Variants in NPAS1 observed in about 807,000 individuals in gnomAD.
The protein encoded by NPAS1 is neuronal PAS domain-containing protein 1.
NPAS1 carries 29 observed loss-of-function variants against 49.2 expected under a neutral mutation model. That is an observed-to-expected ratio of 0.59 (90% CI 0.44 to 0.80). NPAS1 has a LOEUF of 0.80. Among genes scored for constraint, NPAS1 ranks in the 30% least tolerant of loss-of-function variants. The pLI, the probability that NPAS1 is intolerant of heterozygous loss-of-function variation, is 0.00. For synonymous variants in NPAS1, 408 were observed against 380.4 expected, an observed-to-expected ratio of 1.07 and a Z score of -0.84; for missense variants, 825 against 835.5, an observed-to-expected ratio of 0.99 and a Z score of 0.15.
rs776480758 is a variant in NPAS1, at chr19:47,021,139, G to C, written c.92G>C (p.Gly31Ala). The change falls in exon 2 of 12, where the codon GGG (glycine) becomes GCG (alanine). Residue 31 changes from glycine (G) to alanine (A), a missense_variant. Gly to Ala is a moderately conservative substitution (Grantham distance 60). Transcript: ENST00000602212. This position sits in a 1 kb window ranked among gnomAD's most constrained non-coding sequence, Gnocchi z 5.7. ...GASVPWDFLP[G>A]LMVKAPSGPC... ...AGCGTCCCCTGGGACTTTCTACCCG[G>C]GCTGATGGTCAAGGCGCCGTCCGGA... The C allele has an allele frequency of 3.1e-6, 5 of 1,598,704 alleles. No individual in the cohort carries two copies. The South Asian group carries it at 4.5e-5, about 14-fold the overall frequency.
rs778647630 is a variant in NPAS1, at chr19:47,037,299, C to T, written c.688+1170C>T. On this transcript the variant is annotated intron_variant, in intron 6 of 11. Transcript: ENST00000602212. ...CTGGGAGGTGGAGGTTGCACTGAGC[C>T]GAGATCAGGCCATTGCACTCTGAGT... is the stretch of plus-strand genomic sequence containing the variant. Among the ~76,000 whole-genome samples the T allele has an allele frequency of 7.2e-5, 9 of 124,358 alleles. No homozygotes were observed. In the East Asian group the frequency reaches 1.4e-3, roughly 19 times the overall value. 81.6% of individuals were successfully genotyped at this position (124,358 alleles called of 152,430 possible).
chr19:47,039,956 G>C (rs1036375618), intron 8 of NPAS1, among the ~76,000 whole-genome samples: 3 of 152,290 alleles, frequency 2.0e-5, no homozygotes, highest in African/African-American at 7.2e-5. Context: ...TGTCCAGGGT[G>C]CCTAGGGCCT....
chr19:47,040,610 T>C (rs1568509749), intron 9 of NPAS1, 60 bp downstream of exon 9: 1 of 1,168,842 alleles, frequency 8.6e-7, no homozygotes, highest in East Asian at 2.6e-5. Flanking sequence ...AGCATCCCAC[T>C]CCCTGGTCCC....
At chr19:47,028,429 C>T (rs1311654986) in intron 3 of NPAS1, among the ~76,000 whole-genome samples, 2 of 152,058 alleles carry the variant, frequency 1.3e-5, no homozygotes, top group Non-Finnish European at 1.5e-5. Context: ...GCGGGGGCTG[C>T]GCGCCCATGG....
intron 11 of NPAS1, among the ~76,000 whole-genome samples, chr19:47,044,492 C>CA (rs2057054463): frequency 6.6e-6 from 1 of 152,258 alleles, no homozygotes; most frequent in South Asian, 2.1e-4. Context: ...GGATGTAGAA[C>CA]ATTTCCATTA....
At chr19:47,032,610 C>T (rs761474431) in intron 4 of NPAS1, 33 bp from the exon 5 acceptor site, 10 of 1,593,562 alleles carry the variant, frequency 6.3e-6, no homozygotes, top group Middle Eastern at 1.7e-4. Context: ...ACCGGGTCCT[C>T]TCCTTCCCCC....
At chr19:47,042,090 G>A (rs965836147) in intron 10 of NPAS1, among the ~76,000 whole-genome samples, 18 of 151,844 alleles carry the variant, frequency 1.2e-4, no homozygotes, top group Admixed American at 7.2e-4. Flanking sequence ...GGTGGATCAC[G>A]AGGTCAGGAG....
chr19:47,037,321 G>C (rs1383598091), intron 6 of NPAS1, among the ~76,000 whole-genome samples: 2 of 117,206 alleles, frequency 1.7e-5, no homozygotes, highest in African/African-American at 6.9e-5. Flanking sequence ...ATTGCACTCT[G>C]AGTGAGACTC....
chr19:47,022,253 C>G (rs967618014), intron 3 of NPAS1, among the ~76,000 whole-genome samples: 1 of 152,166 alleles, frequency 6.6e-6, no homozygotes, highest in Non-Finnish European at 1.5e-5. Flanking sequence ...CCTGAGGGGC[C>G]CCGGCGGGAA....
intron 3 of NPAS1, among the ~76,000 whole-genome samples, chr19:47,023,949 C>CA (rs1272717482): frequency 1.3e-5 from 2 of 151,826 alleles, no homozygotes; most frequent in South Asian, 2.1e-4. Context: ...TACTAAAATA[C>CA]AAAAAATTAG....
At chr19:47,040,922 G>C in intron 9 of NPAS1, 56 bp from the exon 10 acceptor site, 2 of 1,399,280 alleles carry the variant, frequency 1.4e-6, no homozygotes, top group Non-Finnish European at 1.9e-6. Context: ...CTGGCTCTCT[G>C]TCTTGCCCCT....
In NPAS1 at chr19:47,041,040, G is replaced by A. The variant is rs370217058; in HGVS notation, c.1132G>A (p.Val378Met). 319 of 1,580,530 alleles carry A rather than the reference G, an allele frequency of 2.0e-4. No homozygotes were observed. Among genetic ancestry groups the A allele is most frequent in the Non-Finnish European group, 2.6e-4 (307 of 1,166,078 alleles). ...TTGGCTGCAGCGTGCCGGGGGCTTC[G>A]TGTGGCTGCAGTCTGTGGCCACAGT... ...YRWLQRAGGF[V>M]WLQSVATVAG... Residue 378 changes from valine to methionine, a missense_variant, in exon 10 of 12, where the codon GTG becomes ATG. Val to Met is a conservative substitution (Grantham distance 21). Transcript: ENST00000602212.
intron 3 of NPAS1, among the ~76,000 whole-genome samples, chr19:47,030,143 C>T (rs1277879122): frequency 6.6e-6 from 1 of 152,170 alleles, no homozygotes; most frequent in East Asian, 1.9e-4. Flanking sequence ...CCTGCCTCAG[C>T]CGCCTAAGTA....
rs983511809 is a variant in NPAS1, at chr19:47,021,282, T to G, written c.122+113T>G. ...CACACCCAGCTCCCTGACCCGCCCC[T>G]TAGGGCTAGAAGGTCTTACCTTGAG... On this transcript the variant is annotated intron_variant, in intron 2 of 11. Coordinates refer to ENST00000602212, the MANE Select transcript of NPAS1 (RefSeq NM_002517.4). This position sits in a 1 kb window ranked among gnomAD's most constrained non-coding sequence, Gnocchi z 5.7. 3.1e-6 allele frequency: 3 copies of G among 976,508 alleles called. No homozygotes were observed. Among genetic ancestry groups the G allele is most frequent in the African/African-American group, 3.4e-5 (2 of 58,016 alleles). 60.5% of individuals were successfully genotyped at this position (976,508 alleles called of 1,614,324 possible).
chr19:47,023,751 G>A lies in NPAS1; in HGVS notation c.358+1904G>A, dbSNP rs56679919. On this transcript the variant is annotated intron_variant, in intron 3 of 11. Transcript: ENST00000602212. ...GAGGAAAGCTTTGGGCCAGGAGTTC[G>A]AGACCAGCCAGGGCAACATAGCAAA... Among the ~76,000 whole-genome samples, 1,110 of 152,170 alleles carry A rather than the reference G, an allele frequency of 7.3e-3. 16 individuals carry two copies. The highest frequency in any genetic ancestry group is 0.022 in the Admixed American group (340 of 15,246).
chr19:47,040,324 C>A, intron 8 of NPAS1, 120 bp from the exon 9 acceptor site: 1 of 650,196 alleles, frequency 1.5e-6, no homozygotes, highest in Non-Finnish European at 2.7e-6. Context: ...CGCCTGCCAA[C>A]ACTGTTATTG....
At chr19:47,035,631 G>T (rs1830833558) in intron 5 of NPAS1, among the ~76,000 whole-genome samples, 1 of 152,184 alleles carries the variant, frequency 6.6e-6, no homozygotes, top group Admixed American at 6.5e-5. Flanking sequence ...GGGCACAGTT[G>T]TTTGCTGTAT....
Position 47,045,237 on chromosome 19 carries a change from C to G in NPAS1, c.1359C>G (p.Asn453Lys), listed in dbSNP as rs147026903. The G allele has an allele frequency of 1.7e-5, 28 of 1,613,924 alleles. No homozygotes were observed. The highest frequency in any genetic ancestry group is 8.0e-5 in the African/African-American group (6 of 75,042). The change falls in exon 12 of 12, where the codon AAC (asparagine) becomes AAG (lysine). Residue 453 changes from asparagine (N) to lysine (K), a missense_variant. By Grantham distance (94) the Asn-to-Lys change is moderately conservative. Coordinates refer to ENST00000602212, the MANE Select transcript of NPAS1 (RefSeq NM_002517.4). ...TEGKQAAPAE[N>K]EAPQTQGKRI... ...GGAAGCAGGCTGCCCCAGCGGAGAACGAGGCCCCCCAGACCCAGGGCAAAC... is the reference window on the plus strand; with the variant it reads ...GGAAGCAGGCTGCCCCAGCGGAGAAGGAGGCCCCCCAGACCCAGGGCAAAC...
intron 5 of NPAS1, among the ~76,000 whole-genome samples, chr19:47,034,012 A>AG (rs2056927609): frequency 1.3e-5 from 1 of 76,460 alleles, no homozygotes; most frequent in Admixed American, 1.4e-4. Flanking sequence ...AAAAAAAAAA[A>AG]AAAAAAAAAG....
Sources: allele counts gnomAD v4.1 joint callset (sites outside exome capture counted in the v4.1 genomes callset), GRCh38; gene constraint gnomAD v4.1.1; non-coding constraint Gnocchi (gnomAD v3.1); transcripts MANE v1.5; gene names NCBI Gene and HGNC (gene_info 2026-07-23, HGNC 2026-07-21).